PCDHGA4: variants seen among roughly 807,000 people sequenced by gnomAD.
PCDHGA4 encodes protocadherin gamma subfamily A, 4.
PCDHGA4 carries 38 observed loss-of-function variants against 54.6 expected under a neutral mutation model. The observed-to-expected ratio is 0.70, with a 90% CI of 0.54 to 0.91. The LOEUF is 0.91. Among genes scored for constraint, PCDHGA4 ranks in the 40% least tolerant of loss-of-function variants. The pLI is 0.00. For missense variants in PCDHGA4, 1,298 were observed against 1,220.9 expected, an observed-to-expected ratio of 1.06 and a Z score of -0.94; for synonymous variants, 511 against 512.9, an observed-to-expected ratio of 1.00 and a Z score of 0.05.
At position 141,490,148 on chromosome 5, in the gene PCDHGA4, A is replaced by G. The variant is rs2154582223; in HGVS notation, c.2515-4659A>G. The G allele has an allele frequency of 1.2e-6, 2 of 1,614,232 alleles. No homozygotes were observed. The highest frequency in any genetic ancestry group is 4.5e-5 in the East Asian group (2 of 44,888). On this transcript the variant is annotated intron_variant, in intron 1 of 3. Coordinates refer to ENST00000571252, the MANE Select transcript of PCDHGA4 (RefSeq NM_018917.4). The surrounding 1 kb of genome is among the most constrained non-coding windows in gnomAD (Gnocchi z 5.4). The stretch of plus-strand genomic sequence containing the variant: ...CTAGACCCTAGCAGTGGGGCAATCC[A>G]TGTGTTGGGTCCCATAGACTTTGAG...
chr5:141,476,711 G>C lies in PCDHGA4; in HGVS notation c.2515-18096G>C. 1 of 1,614,194 alleles carries C rather than the reference G, an allele frequency of 6.2e-7. No individual in the cohort carries two copies. The highest frequency in any genetic ancestry group is 8.5e-7 in the Non-Finnish European group (1 of 1,180,042). On this transcript the variant is annotated intron_variant, in intron 1 of 3. Coordinates refer to ENST00000571252, the MANE Select transcript of PCDHGA4 (RefSeq NM_018917.4). This position sits in a 1 kb window ranked among gnomAD's most constrained non-coding sequence, Gnocchi z 7.6. ...CACCAAGTACGCGGAGCTGGTGTTG[G>C]AGCGCGCCCTGGACCGAGAACGGGA...
chr5:141,398,736 A>G (rs748665574), intron 1 of PCDHGA4: 1 of 1,613,884 alleles, frequency 6.2e-7, no homozygotes, highest in South Asian at 1.1e-5. Context: ...TAGACCGGGA[A>G]CAACAGAGTT....
In PCDHGA4 at chr5:141,390,225, G is replaced by A. The variant is rs886390636; in HGVS notation, c.2514+32604G>A. 25 of 1,613,922 alleles carry A rather than the reference G, an allele frequency of 1.5e-5. No individual in the cohort carries two copies. Among genetic ancestry groups the A allele is most frequent in the Non-Finnish European group, 1.9e-5 (23 of 1,179,908 alleles). On this transcript the variant is annotated intron_variant, in intron 1 of 3. Transcript: ENST00000571252. Reference sequence around the variant, plus strand: ...TTCAGGACAAGACATACTTTGCGGTGATTCATCTGGGGCCTTATTTCCACT... The same window carrying A: ...TTCAGGACAAGACATACTTTGCGGTAATTCATCTGGGGCCTTATTTCCACT...
At chr5:141,482,876 AGCCTG>A (rs2099574018) in intron 1 of PCDHGA4, among the ~76,000 whole-genome samples, 1 of 152,142 alleles carries the variant, frequency 6.6e-6, no homozygotes, top group Admixed American at 6.5e-5. Flanking sequence ...GTTTGAAACC[AGCCTG>A]GCCAACATGG....
At chr5:141,382,912 C>T in intron 1 of PCDHGA4, 1 of 1,552,240 alleles carries the variant, frequency 6.4e-7, no homozygotes, top group South Asian at 1.2e-5. Context: ...GGCGGCTCAG[C>T]CGAGGGGCGG....
intron 1 of PCDHGA4, chr5:141,388,795 C>G (rs1204065309): frequency 6.2e-7 from 1 of 1,613,716 alleles, no homozygotes; most frequent in Non-Finnish European, 8.5e-7. Flanking sequence ...GTTTTAAATA[C>G]ATTAGATTTT....
chr5:141,374,126 C>T, intron 1 of PCDHGA4: 1 of 1,602,982 alleles, frequency 6.2e-7, no homozygotes, highest in Middle Eastern at 1.7e-4. Flanking sequence ...CGAGCAGGTC[C>T]TGCTCCTCAC....
chr5:141,428,331 G>A, intron 1 of PCDHGA4: 2 of 625,576 alleles, frequency 3.2e-6, no homozygotes, highest in East Asian at 2.9e-5. Context: ...TGATTTCTAT[G>A]CTCTTCTTCC....
At position 141,477,965 on chromosome 5, in the gene PCDHGA4, A is replaced by G. The variant is rs1415974296; in HGVS notation, c.2515-16842A>G. On this transcript the variant is annotated intron_variant, in intron 1 of 3. Coordinates refer to ENST00000571252, the MANE Select transcript of PCDHGA4 (RefSeq NM_018917.4). This position sits in a 1 kb window ranked among gnomAD's most constrained non-coding sequence, Gnocchi z 4.9. ...CAGTCTCTTGGGATCCCCTAACCAGAGCCTTTTTGCCATAGGGCTGCACAC... is the reference window on the plus strand; with the variant it reads ...CAGTCTCTTGGGATCCCCTAACCAGGGCCTTTTTGCCATAGGGCTGCACAC... 4 of 1,614,030 alleles carry G rather than the reference A, an allele frequency of 2.5e-6. No individual in the cohort carries two copies. In the Middle Eastern group the frequency reaches 4.9e-4, roughly 200 times the overall value.
intron 1 of PCDHGA4, chr5:141,367,611 T>C (rs868477052): frequency 2.4e-4 from 36 of 152,038 alleles, no homozygotes; most frequent in African/African-American, 8.5e-4. Flanking sequence ...AATGATAACA[T>C]GTAGCATTCT....
chr5:141,356,825 T>G lies in PCDHGA4; in HGVS notation c.1718T>G (p.Leu573Arg). Reference sequence around the variant, plus strand: ...GCCAGTGACAGTGGAGACCCTCCACTCAGCAGCAATGTGTCACTGAGCCTC... The same window carrying G: ...GCCAGTGACAGTGGAGACCCTCCACGCAGCAGCAATGTGTCACTGAGCCTC... The part of the protein sequence containing the change: ...MTASDSGDPP[L>R]SSNVSLSLFV... The change falls in exon 1 of 4, where the codon CTC becomes CGC. Residue 573 changes from leucine to arginine, a missense_variant. By Grantham distance (102) the Leu-to-Arg change is moderately radical (BLOSUM62 -2). Coordinates refer to ENST00000571252, the MANE Select transcript of PCDHGA4 (RefSeq NM_018917.4). 3 of 1,614,132 alleles carry G rather than the reference T, an allele frequency of 1.9e-6. No homozygotes were observed. Among genetic ancestry groups the G allele is most frequent in the Non-Finnish European group, 1.7e-6 (2 of 1,179,972 alleles).
intron 1 of PCDHGA4, among the ~76,000 whole-genome samples, chr5:141,363,553 A>G (rs954649159): frequency 4.6e-5 from 7 of 152,274 alleles, no homozygotes; most frequent in African/African-American, 9.6e-5. Context: ...ATATTTGAAC[A>G]TGGTAATAGA....
intron 1 of PCDHGA4, chr5:141,390,095 T>TC: frequency 6.2e-7 from 1 of 1,613,972 alleles, no homozygotes; most frequent in South Asian, 1.1e-5. Flanking sequence ...AATCCGTGGT[T>TC]CCCCCCAACT....
chr5:141,507,075 C>T (rs1006779614), intron 3 of PCDHGA4: 25 of 152,176 alleles, frequency 1.6e-4, no homozygotes, highest in Admixed American at 1.1e-3. Context: ...CCTGGCTCAA[C>T]TCCTAAGTTT....
intron 1 of PCDHGA4, chr5:141,385,358 T>C (rs1470867728): frequency 6.5e-7 from 1 of 1,546,418 alleles, no homozygotes; most frequent in Non-Finnish European, 8.7e-7. Flanking sequence ...CCATGAGGAA[T>C]TTATTTGCAT....
intron 1 of PCDHGA4, chr5:141,398,655 A>G (rs760602313): frequency 3.1e-6 from 5 of 1,614,034 alleles, no homozygotes; most frequent in Non-Finnish European, 4.2e-6. Context: ...CTCTTAACCC[A>G]AGTTTCTCAT....
In PCDHGA4 at chr5:141,476,883, A is replaced by G. The variant is rs1266909654; in HGVS notation, c.2515-17924A>G. ...TTGTACCGGGCGCGCGTCCTGGAGG[A>G]TGCACCCTCCGGCACGCGCGTGGTA... On this transcript the variant is annotated intron_variant, in intron 1 of 3. Coordinates refer to ENST00000571252, the MANE Select transcript of PCDHGA4 (RefSeq NM_018917.4). This position sits in a 1 kb window ranked among gnomAD's most constrained non-coding sequence, Gnocchi z 7.6. 1 of 1,613,916 alleles carries G rather than the reference A, an allele frequency of 6.2e-7. No individual in the cohort carries two copies. The highest frequency in any genetic ancestry group is 8.5e-7 in the Non-Finnish European group (1 of 1,180,026).
Position 141,491,260 on chromosome 5 carries a change from A to G in PCDHGA4, c.2515-3547A>G. On this transcript the variant is annotated intron_variant, in intron 1 of 3. Coordinates refer to ENST00000571252, the MANE Select transcript of PCDHGA4 (RefSeq NM_018917.4). This position sits in a 1 kb window ranked among gnomAD's most constrained non-coding sequence, Gnocchi z 6.9. ...TCTGGAGGATGAGGACCCTGAGGAA[A>G]TGCCCAAATCCAGTGACTTCCTCAT... 6.2e-7 allele frequency: 1 copy of G among 1,614,108 alleles called. No individual in the cohort carries two copies. The highest frequency in any genetic ancestry group is 1.7e-5 in the Admixed American group (1 of 60,028).
intron 1 of PCDHGA4, among the ~76,000 whole-genome samples, chr5:141,474,448 A>G (rs1350019257): frequency 3.3e-5 from 5 of 152,204 alleles, no homozygotes; most frequent in Non-Finnish European, 5.9e-5. Context: ...GTAGCAAGTG[A>G]TTGGGCTATA....
Sources: gnomAD v4.1 joint callset for allele counts (sites outside exome capture counted in the v4.1 genomes callset) on GRCh38, gnomAD v4.1.1 for gene constraint, Gnocchi (gnomAD v3.1) non-coding constraint, MANE v1.5 for transcripts, NCBI Gene and HGNC (gene_info 2026-07-23, HGNC 2026-07-21) for gene names.